Variants in NUDT19 observed in about 807,000 individuals in gnomAD.
The protein encoded by NUDT19 is nudix hydrolase 19, also known as acyl-coenzyme A diphosphatase NUDT19.
NUDT19 carries 31 observed loss-of-function variants against 22.2 expected under a neutral mutation model. The observed-to-expected ratio is 1.40, with a 90% confidence interval of 1.05 to 1.89. The LOEUF is 1.89. NUDT19 is among the 40% of genes most tolerant of loss of function. The pLI is 0.00. For synonymous variants in NUDT19, 325 were observed against 230.8 expected (o/e 1.41, Z -3.70); for missense variants, 752 against 514.2 (o/e 1.46, Z -4.47).
chr19:32,703,033 C>T (rs1968351713), intron 1 of NUDT19, among the ~76,000 whole-genome samples: 1 of 151,960 alleles, frequency 6.6e-6, no homozygotes, highest in Admixed American at 6.6e-5. Flanking sequence ...CAGTGTTTCA[C>T]TCTTGTTGCC....
chr19:32,692,816 A>C (rs985921521), intron 1 of NUDT19, 142 bp downstream of exon 1: 13 of 584,180 alleles, frequency 2.2e-5, no homozygotes, highest in Middle Eastern at 4.7e-4. Context: ...ACGGGCTGGA[A>C]ACTCTCACCC....
chr19:32,702,408 TCTGTTACC>T (rs774745114), intron 1 of NUDT19, among the ~76,000 whole-genome samples: 52,126 of 151,976 alleles, frequency 0.34, 8,979 homozygotes, highest in Middle Eastern at 0.4. Flanking sequence ...TTCAGCCAGA[TCTGTTACC>T]GAAGTTATGC....
Position 32,711,324 on chromosome 19 carries a change from G to A in NUDT19, c.923-428G>A, listed in dbSNP as rs565394797. On this transcript the variant is annotated intron_variant, in intron 2 of 2. Coordinates refer to ENST00000397061, the MANE Select transcript of NUDT19 (RefSeq NM_001105570.2). ...CTAACAATACAAAAATTAACCAGGC[G>A]TGGTGGCAGACACCTGTGATCCCAG... Among the ~76,000 whole-genome samples the A allele has an allele frequency of 6.6e-5, 10 of 152,088 alleles. No homozygotes were observed. In the East Asian group the frequency reaches 9.7e-4, roughly 15 times the overall value.
Position 32,692,346 on chromosome 19 carries a change from T to G in NUDT19, c.386T>G (p.Val129Gly). ...PEDVAFRICA[V>G]REAFEEAGVL... ...GACGTAGCCTTCCGCATCTGCGCCGTGCGGGAGGCCTTTGAGGAGGCGGGC... is the reference window on the plus strand; with the variant it reads ...GACGTAGCCTTCCGCATCTGCGCCGGGCGGGAGGCCTTTGAGGAGGCGGGC... Residue 129 changes from valine to glycine, a missense_variant, in exon 1 of 3, where the codon GTG (valine) becomes GGG (glycine). Physicochemically the swap from Val to Gly is moderately radical, Grantham distance 109. Coordinates refer to ENST00000397061, the MANE Select transcript of NUDT19 (RefSeq NM_001105570.2). The G allele has an allele frequency of 6.3e-7, 1 of 1,591,090 alleles. No individual in the cohort carries two copies. The highest frequency in any genetic ancestry group is 8.5e-7 in the Non-Finnish European group (1 of 1,176,672).
intron 1 of NUDT19, among the ~76,000 whole-genome samples, chr19:32,701,364 C>T (rs1188769077): frequency 1.3e-5 from 2 of 151,984 alleles, no homozygotes; most frequent in African/African-American, 4.8e-5. Flanking sequence ...TGCCACCATG[C>T]CTAGCTAATT....
At chr19:32,697,055 A>C (rs35408716) in intron 1 of NUDT19, among the ~76,000 whole-genome samples, 27,498 of 151,986 alleles carry the variant, frequency 0.18, 2,606 homozygotes, top group African/African-American at 0.22. Flanking sequence ...CTCATAGGAC[A>C]ATCTTTTTTT....
intron 1 of NUDT19, among the ~76,000 whole-genome samples, chr19:32,695,189 A>G (rs1332903852): frequency 6.6e-6 from 1 of 152,024 alleles, no homozygotes; most frequent in African/African-American, 2.4e-5. Context: ...TTTCATTTTT[A>G]TTTTTTTGGA....
chr19:32,691,981 GGGCCCCAGCCGCTGGCGGCGGGCGGCCA>G lies in NUDT19; in HGVS notation c.23_50del (p.Gly8AlafsTer106). On this transcript the variant is annotated frameshift_variant, in exon 1 of 3. Coordinates refer to ENST00000397061, the MANE Select transcript of NUDT19 (RefSeq NM_001105570.2). LOFTEE classifies it high-confidence loss of function. ...GCGCCATGAGCAGCTCCCTGCGGCC[GGGCCCCAGCCGCTGGCGGCGGGCGGCCA>G]GCATCGTCCTGGCGGCTGGCTGGTC... 8.1e-7 allele frequency: 1 copy of G among 1,232,796 alleles called. No homozygotes were observed. Among genetic ancestry groups the G allele is most frequent in the Non-Finnish European group, 1.0e-6 (1 of 990,050 alleles). The allele number at this position is 1,232,796 out of a possible 1,614,324, so 76.4% of individuals were successfully genotyped here. A position where few individuals can be genotyped will look rare whatever the true frequency, so the allele number is the denominator to read the frequency against.
chr19:32,694,209 A>G (rs1479865132), intron 1 of NUDT19, among the ~76,000 whole-genome samples: 8 of 152,210 alleles, frequency 5.3e-5, no homozygotes, highest in Admixed American at 5.2e-4. Flanking sequence ...CCAACTCCAG[A>G]GGTTGGTATA....
intron 1 of NUDT19, among the ~76,000 whole-genome samples, chr19:32,701,626 AT>A (rs1267747838): frequency 1.3e-5 from 2 of 152,164 alleles, no homozygotes; most frequent in Non-Finnish European, 2.9e-5. Context: ...GGCTTCATGT[AT>A]TTTGAAGCTC....
At chr19:32,692,741 C>T (rs1364887601) in intron 1 of NUDT19, 67 bp downstream of exon 1, 2 of 1,281,292 alleles carry the variant, frequency 1.6e-6, no homozygotes, top group Non-Finnish European at 2.0e-6. Flanking sequence ...TCCCAGCGGC[C>T]CAGGCCCCCA....
intron 1 of NUDT19, among the ~76,000 whole-genome samples, chr19:32,693,298 G>A (rs748279073): frequency 6.6e-6 from 1 of 152,158 alleles, no homozygotes; most frequent in East Asian, 1.9e-4. Context: ...GATTGAAGCC[G>A]CAGACCTTCG....
At chr19:32,709,995 T>A (rs952725831) in intron 2 of NUDT19, among the ~76,000 whole-genome samples, 6 of 151,752 alleles carry the variant, frequency 4.0e-5, no homozygotes, top group African/African-American at 1.5e-4. Context: ...TTACGAGAAC[T>A]CGTAAGTTGT....
At chr19:32,698,013 G>T (rs572657154) in intron 1 of NUDT19, among the ~76,000 whole-genome samples, 3 of 152,240 alleles carry the variant, frequency 2.0e-5, no homozygotes, top group African/African-American at 7.2e-5. Flanking sequence ...TCTGGGCAGC[G>T]GACATTAGAG....
At chr19:32,700,015 T>C (rs1968316387) in intron 1 of NUDT19, among the ~76,000 whole-genome samples, 1 of 152,230 alleles carries the variant, frequency 6.6e-6, no homozygotes, top group African/African-American at 2.4e-5. Context: ...GGAGTGAAGC[T>C]GCAGACCTTC....
rs376373305 is a variant in NUDT19 at position 32,709,298 on chromosome 19, G to A, written c.828G>A (p.Leu276=). 1 of 1,614,136 alleles carries A rather than the reference G, an allele frequency of 6.2e-7. No homozygotes were observed. Among genetic ancestry groups the A allele is most frequent in the African/African-American group, 1.3e-5 (1 of 75,042 alleles). Residue 276 remains leucine, a synonymous_variant, in exon 2 of 3, where the codon TTG becomes TTA. Transcript: ENST00000397061. The part of the protein sequence containing the change: ...RLANFASLSD[L]HKFCLGRALE... ...CAAACTTTGCCTCTCTCTCTGACTT[G>A]CACAAATTTTGTTTGGGTCGTGCAT...
rs1486949218 is a variant in NUDT19 at position 32,692,435 on chromosome 19, G to C, written c.475G>C (p.Glu159Gln). The C allele has an allele frequency of 1.3e-6, 2 of 1,550,996 alleles. No individual in the cohort carries two copies. Among genetic ancestry groups the C allele is most frequent in the African/African-American group, 2.8e-5 (2 of 71,658 alleles). Residue 159 changes from glutamate to glutamine, a missense_variant, in exon 1 of 3, where the codon GAG (glutamate) becomes CAG (glutamine). Transcript: ENST00000397061. ...GPAPGPGLAL[E>Q]PPPGLASWRD... ...AGCACCCGGGCCTGGCCTCGCCCTGGAGCCACCGCCGGGCCTGGCCTCCTG... is the reference window on the plus strand; with the variant it reads ...AGCACCCGGGCCTGGCCTCGCCCTGCAGCCACCGCCGGGCCTGGCCTCCTG...
At position 32,692,596 on chromosome 19, in the gene NUDT19, T is replaced by A; in HGVS notation, c.636T>A (p.Phe212Leu). The change falls in exon 1 of 3, where the codon TTT becomes TTA. Residue 212 changes from phenylalanine to leucine, a missense_variant. By Grantham distance (22) the Phe-to-Leu change is conservative. Transcript: ENST00000397061. ...TPFLRGTTRR[F>L]DTAFFLCCLR... ...TCTTGCGGGGCACCACTCGCCGCTTTGACACGGCCTTCTTCCTGTGCTGCC... is the reference window on the plus strand; with the variant it reads ...TCTTGCGGGGCACCACTCGCCGCTTAGACACGGCCTTCTTCCTGTGCTGCC... The A allele has an allele frequency of 6.3e-7, 1 of 1,579,372 alleles. No homozygotes were observed.
intron 1 of NUDT19, among the ~76,000 whole-genome samples, chr19:32,702,410 T>G (rs1285729708): frequency 1.5e-5 from 1 of 65,732 alleles, no homozygotes; most frequent in Non-Finnish European, 3.3e-5. Context: ...CAGCCAGATC[T>G]GTTACCGAAG....
Sources: gnomAD v4.1 joint callset for allele counts (sites outside exome capture counted in the v4.1 genomes callset) on GRCh38, gnomAD v4.1.1 for gene constraint, MANE v1.5 for transcripts, NCBI Gene and HGNC (gene_info 2026-07-23, HGNC 2026-07-21) for gene names.